PTPRM: variants seen among roughly 807,000 people sequenced by gnomAD.
PTPRM encodes protein tyrosine phosphatase receptor type M, also known as receptor-type tyrosine-protein phosphatase mu.
A neutral mutation model predicts 186.7 loss-of-function variants in PTPRM; 47 were observed. The ratio of observed to expected loss-of-function variants is 0.25; its 90% CI spans 0.20 to 0.32. PTPRM has a LOEUF of 0.32. Among genes scored for constraint, PTPRM ranks in the 10% least tolerant of loss-of-function variants. The pLI, the probability that PTPRM is intolerant of heterozygous loss-of-function variation, is 1.00. For synonymous variants in PTPRM, 668 were observed against 674.9 expected, an observed-to-expected ratio of 0.99 and a Z score of 0.16; for missense variants, 1,494 against 1,865.0, an observed-to-expected ratio of 0.80 and a Z score of 3.66.
rs2093842259 is a variant in PTPRM at position 8,200,602 on chromosome 18, A to G, written c.2301-43456A>G. Among the ~76,000 whole-genome samples, 5 of 152,386 alleles carry G rather than the reference A, an allele frequency of 3.3e-5. No homozygotes were observed. The South Asian group carries it at 1.0e-3, about 32-fold the overall frequency. Reference sequence around the variant, plus strand: ...ATCTGGCCTGTGCCGTGACCCACGCAGCACAAATCACTAGTTCCAGCGGCG... The same window carrying G: ...ATCTGGCCTGTGCCGTGACCCACGCGGCACAAATCACTAGTTCCAGCGGCG... On this transcript the variant is annotated intron_variant, in intron 14 of 32. Coordinates refer to ENST00000580170, the MANE Select transcript of PTPRM (RefSeq NM_001105244.2).
At chr18:8,174,236 C>T (rs2093448829) in intron 14 of PTPRM, among the ~76,000 whole-genome samples, 1 of 152,094 alleles carries the variant, frequency 6.6e-6, no homozygotes, top group South Asian at 2.1e-4. Flanking sequence ...CTTTCATTAG[C>T]TTTACAAAGG....
intron 2 of PTPRM, among the ~76,000 whole-genome samples, chr18:7,806,252 A>G (rs150333891): frequency 6.6e-6 from 1 of 152,286 alleles, no homozygotes; most frequent in African/African-American, 2.4e-5. Context: ...GACACCCCAT[A>G]TGACCTCATC....
intron 7 of PTPRM, among the ~76,000 whole-genome samples, chr18:8,063,633 CT>C (rs2088808208): frequency 6.6e-6 from 1 of 152,060 alleles, no homozygotes; most frequent in Admixed American, 6.5e-5. Flanking sequence ...TTCAATAACA[CT>C]TTTATTTTTT....
intron 20 of PTPRM, among the ~76,000 whole-genome samples, chr18:8,313,837 C>T (rs1428140179): frequency 2.6e-5 from 4 of 152,026 alleles, no homozygotes; most frequent in East Asian, 1.9e-4. Flanking sequence ...TGACAACATA[C>T]GAAGCACATC....
intron 8 of PTPRM, among the ~76,000 whole-genome samples, chr18:8,073,144 G>A (rs1033977083): frequency 6.6e-6 from 1 of 152,124 alleles, no homozygotes; most frequent in Non-Finnish European, 1.5e-5. Context: ...TATTTGTTTT[G>A]TCTAACTCTT....
intron 11 of PTPRM, among the ~76,000 whole-genome samples, chr18:8,106,701 A>G (rs1378650023): frequency 1.3e-5 from 2 of 152,240 alleles, no homozygotes; most frequent in Non-Finnish European, 2.9e-5. Context: ...TGGAGGAAAC[A>G]TGAATGAAAT....
rs1598489851 is a variant in PTPRM at position 7,598,810 on chromosome 18, G to T, written c.73+30919G>T. ...TTTTTTTTTTTTTTTTAAGGCAACA[G>T]AATAAACAAGCAACTGTGTGTCCCT... On this transcript the variant is annotated intron_variant, in intron 1 of 32. Transcript: ENST00000580170. 2.2e-5 allele frequency among the ~76,000 whole-genome samples: 3 copies of T among 138,832 alleles called. No individual in the cohort carries two copies. In the Admixed American group the frequency reaches 2.2e-4, roughly 10 times the overall value. 91.1% of individuals were successfully genotyped at this position (138,832 alleles called of 152,430 possible).
chr18:8,094,829 A>G (rs899358226), intron 11 of PTPRM, among the ~76,000 whole-genome samples: 1 of 152,188 alleles, frequency 6.6e-6, no homozygotes, highest in African/African-American at 2.4e-5. Flanking sequence ...TATATATCAC[A>G]TAAATTATGG....
chr18:8,135,014 T>C (rs946980849), intron 13 of PTPRM, among the ~76,000 whole-genome samples: 21 of 152,202 alleles, frequency 1.4e-4, no homozygotes, highest in Admixed American at 1.3e-3. Context: ...TTAATTATAC[T>C]TCATGGTATA....
intron 2 of PTPRM, among the ~76,000 whole-genome samples, chr18:7,856,644 T>C (rs1270690961): frequency 6.6e-6 from 1 of 151,324 alleles, no homozygotes; most frequent in Non-Finnish European, 1.5e-5. Context: ...CTCTGGAGGC[T>C]GAGGCAAGAG....
At chr18:7,858,288 G>A (rs995471615) in intron 2 of PTPRM, among the ~76,000 whole-genome samples, 10 of 152,282 alleles carry the variant, frequency 6.6e-5, no homozygotes, top group Middle Eastern at 3.4e-3. Context: ...TGGGTAAGGT[G>A]GCTCATGCCT....
intron 1 of PTPRM, among the ~76,000 whole-genome samples, chr18:7,709,378 T>C (rs890240575): frequency 6.6e-5 from 10 of 151,508 alleles, no homozygotes; most frequent in Admixed American, 2.0e-4. Context: ...GTGACACAAC[T>C]TATCAAAACC....
intron 11 of PTPRM, among the ~76,000 whole-genome samples, chr18:8,106,702 T>C (rs1178511108): frequency 6.6e-6 from 1 of 152,226 alleles, no homozygotes; most frequent in African/African-American, 2.4e-5. Flanking sequence ...GGAGGAAACA[T>C]GAATGAAATA....
At chr18:8,254,340 T>C (rs1458619068) in intron 19 of PTPRM, among the ~76,000 whole-genome samples, 1 of 152,254 alleles carries the variant, frequency 6.6e-6, no homozygotes, top group Non-Finnish European at 1.5e-5. Context: ...AGAGAATTAA[T>C]TGATTGAAGA....
At chr18:8,106,087 T>C (rs1434498813) in intron 11 of PTPRM, among the ~76,000 whole-genome samples, 1 of 152,070 alleles carries the variant, frequency 6.6e-6, no homozygotes, top group Non-Finnish European at 1.5e-5. Flanking sequence ...GAGTCAAGAC[T>C]AGGAAGCCTG....
chr18:8,157,632 A>G (rs949575664), intron 14 of PTPRM, among the ~76,000 whole-genome samples: 1 of 152,230 alleles, frequency 6.6e-6, no homozygotes, highest in Non-Finnish European at 1.5e-5. Context: ...ATGCTCAGCC[A>G]CTAGTATTCC....
intron 20 of PTPRM, among the ~76,000 whole-genome samples, chr18:8,307,985 A>G (rs2095239355): frequency 6.6e-6 from 1 of 152,226 alleles, no homozygotes; most frequent in Non-Finnish European, 1.5e-5. Flanking sequence ...CCAGAGTGGA[A>G]CATGAGCTAT....
intron 7 of PTPRM, 34 bp from the exon 8 acceptor site, chr18:8,069,652 T>C (rs760010297): frequency 4.5e-6 from 7 of 1,544,874 alleles, no homozygotes; most frequent in Non-Finnish European, 6.2e-6. Context: ...CTTTCTTCTC[T>C]CTCATGTTTT....
intron 7 of PTPRM, among the ~76,000 whole-genome samples, chr18:8,030,028 C>G (rs894641053): frequency 2.0e-5 from 3 of 152,208 alleles, no homozygotes; most frequent in African/African-American, 7.2e-5. Flanking sequence ...GCAGACCAAT[C>G]CATTCCTTTA....
Sources: allele counts gnomAD v4.1 joint callset (sites outside exome capture counted in the v4.1 genomes callset), GRCh38; gene constraint gnomAD v4.1.1; transcripts MANE v1.5; gene names NCBI Gene and HGNC (gene_info 2026-07-23, HGNC 2026-07-21).